HDAC9: variants seen among roughly 807,000 people sequenced by gnomAD.
HDAC9 encodes histone deacetylase 9.
HDAC9 carries 41 observed loss-of-function variants against 139.4 expected under a neutral mutation model. The ratio of observed to expected loss-of-function variants is 0.29; its 90% CI spans 0.23 to 0.38. The LOEUF (loss-of-function observed/expected upper bound fraction) is 0.38, where lower values mean the gene tolerates loss of function less well. Among genes scored for constraint, HDAC9 ranks in the 10% least tolerant of loss-of-function variants. HDAC9 has a pLI of 1.00. For synonymous variants in HDAC9, 517 were observed against 476.2 expected (o/e 1.09, Z -1.12); for missense variants, 1,147 against 1,297.0 (o/e 0.88, Z 1.78).
At chr7:18,484,173 C>CAA (rs1177599086) in intron 1 of HDAC9, among the ~76,000 whole-genome samples, 51 of 63,168 alleles carry the variant, frequency 8.1e-4, no homozygotes, top group African/African-American at 1.6e-3. Context: ...CCTTATCTCT[C>CAA]AAAAAAAAAA....
At chr7:18,707,564 G>GA (rs967236387) in intron 12 of HDAC9, among the ~76,000 whole-genome samples, 2 of 152,130 alleles carry the variant, frequency 1.3e-5, no homozygotes, top group African/African-American at 4.8e-5. Context: ...CGGAATATAT[G>GA]AAAAAATCAA....
chr7:18,698,761 G>C (rs564850412), intron 12 of HDAC9, among the ~76,000 whole-genome samples: 1 of 152,306 alleles, frequency 6.6e-6, no homozygotes, highest in South Asian at 2.1e-4. Context: ...GTAATAGGTG[G>C]ATATTGCATT....
chr7:18,998,166 G>A lies in HDAC9; in HGVS notation c.*2104G>A, dbSNP rs1265994772. 1.3e-5 allele frequency: 2 copies of A among 152,122 alleles called. No individual in the cohort carries two copies. The highest frequency in any genetic ancestry group is 4.8e-5 in the African/African-American group (2 of 41,434). The allele number at this position is 152,122 out of a possible 1,614,324, so 9.4% of individuals were successfully genotyped here. A position where few individuals can be genotyped will look rare whatever the true frequency, so the allele number is the denominator to read the frequency against. ...ATGTTTTAATTAGAAAAATAATTGT[G>A]TAGTTTTAAAATCAACTTCATAATT... On this transcript the variant is annotated 3_prime_UTR_variant, in exon 26 of 26. Coordinates refer to ENST00000686413, the MANE Select transcript of HDAC9 (RefSeq NM_178425.4).
chr7:18,576,947 G>A (rs1206269149), intron 2 of HDAC9, among the ~76,000 whole-genome samples: 1 of 151,356 alleles, frequency 6.6e-6, no homozygotes, highest in African/African-American at 2.4e-5. Flanking sequence ...GAGAGAAAAA[G>A]AGAGAGAGAG....
At chr7:18,868,057 G>A (rs1798624881) in intron 21 of HDAC9, among the ~76,000 whole-genome samples, 1 of 151,976 alleles carries the variant, frequency 6.6e-6, no homozygotes, top group Non-Finnish European at 1.5e-5. Flanking sequence ...TATGTTTGTT[G>A]TCTGAACTTT....
At chr7:18,222,106 G>C (rs1465446094) in intron 2 of HDAC9, among the ~76,000 whole-genome samples, 1 of 152,134 alleles carries the variant, frequency 6.6e-6, no homozygotes, top group Admixed American at 6.5e-5. Context: ...GATGAAAGGT[G>C]CGAGGTTTAG....
chr7:18,376,190 A>G (rs1784982756), intron 1 of HDAC9, among the ~76,000 whole-genome samples: 1 of 152,258 alleles, frequency 6.6e-6, no homozygotes, highest in South Asian at 2.1e-4. Flanking sequence ...TGATTAGAGC[A>G]TGACACTGAT....
intron 16 of HDAC9, among the ~76,000 whole-genome samples, chr7:18,783,670 T>C (rs1791445783): frequency 6.6e-6 from 1 of 151,918 alleles, no homozygotes. Context: ...ACTTTTTTTT[T>C]TTTTTTTTGC....
At chr7:18,792,883 A>T (rs1171288989) in intron 16 of HDAC9, among the ~76,000 whole-genome samples, 1 of 152,178 alleles carries the variant, frequency 6.6e-6, no homozygotes, top group Non-Finnish European at 1.5e-5. Flanking sequence ...GGCTCCCTGT[A>T]AACCTGCAGT....
intron 1 of HDAC9, among the ~76,000 whole-genome samples, chr7:18,435,495 T>C (rs183494712): frequency 6.6e-6 from 1 of 152,270 alleles, no homozygotes; most frequent in South Asian, 2.1e-4. Flanking sequence ...AGCAAAACTT[T>C]CGAGAGAGAG....
chr7:18,710,769 G>C (rs1178117), intron 12 of HDAC9, among the ~76,000 whole-genome samples: 1 of 151,906 alleles, frequency 6.6e-6, no homozygotes, highest in Admixed American at 6.6e-5. Flanking sequence ...GAAAGCCGCT[G>C]AAGTTTAAAT....
At position 18,560,844 on chromosome 7, in the gene HDAC9, T is replaced by C. The variant is rs1820352377; in HGVS notation, c.23-24437T>C. Among the ~76,000 whole-genome samples the C allele has an allele frequency of 2.0e-5, 3 of 152,042 alleles. No homozygotes were observed. The South Asian group carries it at 6.2e-4, about 32-fold the overall frequency. On this transcript the variant is annotated intron_variant, in intron 2 of 25. Coordinates refer to ENST00000686413, the MANE Select transcript of HDAC9 (RefSeq NM_178425.4). ...ATTAGCTTGGTAGAGAGAGAGAATA[T>C]GTTAAGGAAAAGGCAAGGGGCAAAG...
intron 2 of HDAC9, among the ~76,000 whole-genome samples, chr7:18,539,421 G>A (rs996437908): frequency 1.3e-5 from 2 of 152,184 alleles, no homozygotes; most frequent in South Asian, 4.1e-4. Flanking sequence ...GAGACAGCAA[G>A]TAAATGCAAC....
intron 1 of HDAC9, among the ~76,000 whole-genome samples, chr7:18,341,391 C>T (rs917386106): frequency 6.6e-6 from 1 of 151,692 alleles, no homozygotes; most frequent in African/African-American, 2.4e-5. Context: ...AAAATGCTCC[C>T]ACATGTTGAC....
intron 12 of HDAC9, among the ~76,000 whole-genome samples, chr7:18,697,149 A>T (rs1363829641): frequency 1.3e-5 from 2 of 152,198 alleles, no homozygotes; most frequent in Non-Finnish European, 2.9e-5. Context: ...CCTTGTAAGG[A>T]TGGCCTAGCA....
chr7:18,760,411 T>C (rs1472059722), intron 14 of HDAC9, among the ~76,000 whole-genome samples: 3 of 152,172 alleles, frequency 2.0e-5, no homozygotes, highest in Non-Finnish European at 4.4e-5. Context: ...ATATTGAATG[T>C]TTCCCAGCAA....
intron 6 of HDAC9, among the ~76,000 whole-genome samples, chr7:18,617,960 A>G (rs1050386870): frequency 6.6e-6 from 1 of 152,186 alleles, no homozygotes; most frequent in African/African-American, 2.4e-5. Flanking sequence ...TCAGAAGAAA[A>G]CAAGGAAACA....
intron 6 of HDAC9, among the ~76,000 whole-genome samples, chr7:18,624,157 C>G (rs1005020818): frequency 3.9e-5 from 6 of 152,110 alleles, no homozygotes; most frequent in Non-Finnish European, 8.8e-5. Flanking sequence ...ATTTTTTAAC[C>G]TTTGCTTCCG....
intron 1 of HDAC9, among the ~76,000 whole-genome samples, chr7:18,322,173 A>G (rs1800077537): frequency 1.3e-5 from 2 of 152,176 alleles, no homozygotes; most frequent in African/African-American, 2.4e-5. Context: ...AGCATTAAAC[A>G]CTGTTCATCT....
Sources: allele counts gnomAD v4.1 joint callset (sites outside exome capture counted in the v4.1 genomes callset), GRCh38; gene constraint gnomAD v4.1.1; transcripts MANE v1.5; gene names NCBI Gene and HGNC (gene_info 2026-07-23, HGNC 2026-07-21).